The following ZNF619 variants were observed in gnomAD, a reference collection of about 807,000 sequenced individuals.
The protein encoded by ZNF619 is zinc finger protein 619.
In ZNF619, 9 loss-of-function variants were observed where a neutral mutation model predicts 14.2. The observed-to-expected ratio is 0.64, with a 90% CI of 0.38 to 1.11. The LOEUF (loss-of-function observed/expected upper bound fraction) is 1.11, where lower values mean the gene tolerates loss of function less well. Among genes scored for constraint, ZNF619 ranks in the 50% least tolerant of loss-of-function variants. The pLI is 0.01. For missense variants in ZNF619, 659 were observed against 680.1 expected, an observed-to-expected ratio of 0.97 and a Z score of 0.34; for synonymous variants, 246 against 252.8, an observed-to-expected ratio of 0.97 and a Z score of 0.26.
chr3:40,484,275 T>C (rs1697508547), intron 4 of ZNF619, among the ~76,000 whole-genome samples: 1 of 152,240 alleles, frequency 6.6e-6, no homozygotes, highest in Non-Finnish European at 1.5e-5. Flanking sequence ...TATAAAACTA[T>C]ATATGTAAAT....
rs1372461671 is a variant in ZNF619 at position 40,488,168 on chromosome 3, A to AT, written c.1665dup (p.Gln556SerfsTer70). On this transcript the variant is annotated frameshift_variant, in exon 5 of 5. Coordinates refer to ENST00000432264, the MANE Select transcript of ZNF619 (RefSeq NM_001145093.4). LOFTEE classifies it low-confidence loss of function (END_TRUNC). ...AACCCTTCACCTGTCCAAATAGCACATTTTTTTCAGGATCTCGCTTTTCCT... is the reference window on the plus strand; with the variant it reads ...AACCCTTCACCTGTCCAAATAGCACATTTTTTTTCAGGATCTCGCTTTTCCT... 6.2e-7 allele frequency: 1 copy of AT among 1,613,032 alleles called. No individual in the cohort carries two copies. The highest frequency in any genetic ancestry group is 8.5e-7 in the Non-Finnish European group (1 of 1,179,600).
intron 2 of ZNF619, among the ~76,000 whole-genome samples, chr3:40,479,484 A>G (rs994889607): frequency 3.9e-5 from 6 of 152,238 alleles, no homozygotes; most frequent in African/African-American, 1.2e-4. Flanking sequence ...ATCATGTGCC[A>G]GGTGATATCT....
Position 40,487,753 on chromosome 3 carries a change from T to G in ZNF619, c.1243T>G (p.Phe415Val), listed in dbSNP as rs1414071809. Residue 415 changes from phenylalanine to valine, a missense_variant, in exon 5 of 5, where the codon TTC (phenylalanine) becomes GTC (valine). Phe to Val is a conservative substitution (Grantham distance 50, BLOSUM62 -1). Transcript: ENST00000432264. The stretch of plus-strand genomic sequence containing the variant: ...GAAAACTTTCAGCTGTAGCTCCCGC[T>G]TCATAGTGCATCAGAGAATCCACAA... ...CWKTFSCSSR[F>V]IVHQRIHNGE... 1.9e-6 allele frequency: 3 copies of G among 1,613,858 alleles called. No individual in the cohort carries two copies. In the African/African-American group the frequency reaches 4.0e-5, roughly 22 times the overall value.
chr3:40,485,196 G>A (rs1017616497), intron 4 of ZNF619, among the ~76,000 whole-genome samples: 3 of 151,910 alleles, frequency 2.0e-5, no homozygotes, highest in Non-Finnish European at 1.5e-5. Context: ...TTTAAACTCT[G>A]GGTTGCAACT....
Position 40,490,766 on chromosome 3 carries a change from T to C in ZNF619, c.*2525T>C, listed in dbSNP as rs1129200. 0.34 allele frequency among the ~76,000 whole-genome samples: 52,173 copies of C among 152,108 alleles called. 9,160 individuals are homozygous for C. The highest frequency in any genetic ancestry group is 0.51 in the East Asian group (2,655 of 5,178). The stretch of plus-strand genomic sequence containing the variant: ...TAATATGTATAACATAAAAAATATG[T>C]GTTAATCGACTGTTTCAGTAAGGCT... On this transcript the variant is annotated 3_prime_UTR_variant, in exon 5 of 5. Coordinates refer to ENST00000432264, the MANE Select transcript of ZNF619 (RefSeq NM_001145093.4).
chr3:40,483,173 C>T lies in ZNF619; in HGVS notation c.295+469C>T, dbSNP rs563192381. 1.6e-3 allele frequency among the ~76,000 whole-genome samples: 237 copies of T among 152,316 alleles called. 3 individuals carry two copies. Among genetic ancestry groups the T allele is most frequent in the Non-Finnish European group, 3.1e-4 (21 of 68,030 alleles). On this transcript the variant is annotated intron_variant, in intron 4 of 4. Coordinates refer to ENST00000432264, the MANE Select transcript of ZNF619 (RefSeq NM_001145093.4). ...GCAGTAAGCTAGGATCACACCATTC[C>T]ACTCCAGCCTGGGTGACAGAGTGAG... is the stretch of plus-strand genomic sequence containing the variant.
chr3:40,481,847 C>T lies in ZNF619; in HGVS notation c.25-16C>T, dbSNP rs563686388. 3.8e-6 allele frequency: 6 copies of T among 1,591,192 alleles called. No homozygotes were observed. In the South Asian group the frequency reaches 5.7e-5, roughly 15 times the overall value. ...CCTTTCCTGGAATTCAGGCCTCTCC[C>T]TCTGTTCTTGTGCAGGGCTTGGGCA... On this transcript the variant is annotated splice_polypyrimidine_tract_variant and intron_variant, in intron 2 of 4. Coordinates refer to ENST00000432264, the MANE Select transcript of ZNF619 (RefSeq NM_001145093.4).
At chr3:40,480,606 C>T (rs77444778) in intron 2 of ZNF619, among the ~76,000 whole-genome samples, 1 of 150,870 alleles carries the variant, frequency 6.6e-6, no homozygotes, top group Non-Finnish European at 1.5e-5. Flanking sequence ...TCACGCCATT[C>T]TCCAGCCTCA....
intron 4 of ZNF619, 87 bp from the exon 5 acceptor site, chr3:40,486,719 A>G: frequency 1.9e-6 from 2 of 1,041,444 alleles, no homozygotes; most frequent in South Asian, 3.5e-5. Flanking sequence ...AAAAAAATTC[A>G]TGTGTCTAGG....
Position 40,487,664 on chromosome 3 carries a change from C to A in ZNF619, c.1154C>A (p.Ser385Ter). The A allele has an allele frequency of 6.2e-7, 1 of 1,613,876 alleles. No individual in the cohort carries two copies. The change falls in exon 5 of 5, where the codon TCG (serine) becomes TAG (stop). Residue 385 changes from serine (S) to a stop codon, truncating the protein, a stop_gained. Coordinates refer to ENST00000432264, the MANE Select transcript of ZNF619 (RefSeq NM_001145093.4). LOFTEE classifies it low-confidence loss of function (END_TRUNC). ...KECGKAFHRS[S>*]VFLQHQRFHT... ...TGTGGCAAGGCCTTCCACCGCAGTT[C>A]GGTATTTCTTCAGCACCAGAGGTTC...
At position 40,489,207 on chromosome 3, in the gene ZNF619, T is replaced by C. The variant is rs1056566440; in HGVS notation, c.*966T>C. The C allele has an allele frequency of 1.1e-4, 16 of 150,932 alleles. No homozygotes were observed. The highest frequency in any genetic ancestry group is 3.7e-4 in the African/African-American group (15 of 41,076). The allele number at this position is 150,932 out of a possible 1,614,324, so 9.3% of individuals were successfully genotyped here. ...CTCTATTTTCATTTTCCTTTTTTTT[T>C]TGAGACAGGTTCTTGTTCTGTCATC... On this transcript the variant is annotated 3_prime_UTR_variant, in exon 5 of 5. Transcript: ENST00000432264.
At position 40,487,769 on chromosome 3, in the gene ZNF619, G is replaced by A. The variant is rs777693602; in HGVS notation, c.1259G>A (p.Arg420Lys). The A allele has an allele frequency of 4.3e-6, 7 of 1,614,052 alleles. No individual in the cohort carries two copies. The South Asian group carries it at 4.4e-5, about 10-fold the overall frequency. Residue 420 changes from arginine (R) to lysine (K), a missense_variant, in exon 5 of 5, where the codon AGA (arginine) becomes AAA (lysine). By Grantham distance (26) the Arg-to-Lys change is conservative. Transcript: ENST00000432264. Reference protein sequence around the residue: ...SCSSRFIVHQRIHNGEKPYEC... With the variant: ...SCSSRFIVHQKIHNGEKPYEC... ...AGCTCCCGCTTCATAGTGCATCAGA[G>A]AATCCACAATGGGGAGAAACCCTAT...
At chr3:40,481,253 A>G (rs1321989754) in intron 2 of ZNF619, among the ~76,000 whole-genome samples, 2 of 152,220 alleles carry the variant, frequency 1.3e-5, no homozygotes, top group Admixed American at 6.5e-5. Context: ...CAGGTCAGAC[A>G]GAGCTTAGGT....
chr3:40,488,130 A>G lies in ZNF619; in HGVS notation c.1620A>G (p.Ser540=), dbSNP rs1341965691. Residue 540 remains serine, a synonymous_variant, in exon 5 of 5, where the codon TCA becomes TCG. Coordinates refer to ENST00000432264, the MANE Select transcript of ZNF619 (RefSeq NM_001145093.4). ...PSVPFFLLLP[S]SEKANPSPVQ... is the part of the protein sequence containing the mutation. Reference sequence around the variant, plus strand: ...TGCCTTTCTTCCTGCTGCTTCCCTCATCTGAAAAGGCCAACCCTTCACCTG... The same window carrying G: ...TGCCTTTCTTCCTGCTGCTTCCCTCGTCTGAAAAGGCCAACCCTTCACCTG... 1.9e-6 allele frequency: 3 copies of G among 1,613,824 alleles called. No individual in the cohort carries two copies. The highest frequency in any genetic ancestry group is 2.2e-5 in the South Asian group (2 of 91,070).
At chr3:40,477,701 T>C in intron 1 of ZNF619, 1 of 449,446 alleles carries the variant, frequency 2.2e-6, no homozygotes, top group Non-Finnish European at 4.1e-6. Flanking sequence ...ACTCTTACTT[T>C]ACAGATATTC....
rs1697666411 is a variant in ZNF619, at chr3:40,487,809, T to C, written c.1299T>C (p.Cys433=). 1.9e-6 allele frequency: 3 copies of C among 1,614,026 alleles called. No homozygotes were observed. In the African/African-American group the frequency reaches 4.0e-5, roughly 22 times the overall value. ...AGAAACCCTATGAATGCCAGGAATG[T>C]GGGAAGACATTCAGTCAAAAGATCA... ...NGEKPYECQE[C]GKTFSQKITL... is the part of the protein sequence containing the mutation. The change falls in exon 5 of 5, where the codon TGT becomes TGC. Residue 433 remains cysteine, a synonymous_variant. Transcript: ENST00000432264.
chr3:40,485,249 G>A (rs943490379), intron 4 of ZNF619, among the ~76,000 whole-genome samples: 1 of 151,064 alleles, frequency 6.6e-6, no homozygotes, highest in African/African-American at 2.4e-5. Flanking sequence ...AGACTACATT[G>A]TATTAGGTGT....
Position 40,490,586 on chromosome 3 carries a change from T to C in ZNF619, c.*2345T>C, listed in dbSNP as rs1697775656. Among the ~76,000 whole-genome samples, 1 of 152,100 alleles carries C rather than the reference T, an allele frequency of 6.6e-6. No individual in the cohort carries two copies. Among genetic ancestry groups the C allele is most frequent in the Non-Finnish European group, 1.5e-5 (1 of 68,016 alleles). The stretch of plus-strand genomic sequence containing the variant: ...CACCCCTGAGATGGCAAGACCAGTC[T>C]CCCTCCTCTCCCCTTCTCAGCCTGC... On this transcript the variant is annotated 3_prime_UTR_variant, in exon 5 of 5. Coordinates refer to ENST00000432264, the MANE Select transcript of ZNF619 (RefSeq NM_001145093.4).
rs1697450146 is a variant in ZNF619 at position 40,482,772 on chromosome 3, GA to G, written c.295+73del. The stretch of plus-strand genomic sequence containing the variant: ...CTCCTTTCTTTTAACAATTTAGCAT[GA>G]AAAAGGTTTTTCCTTGTCATATGAT... On this transcript the variant is annotated intron_variant, in intron 4 of 4. Transcript: ENST00000432264. 5 of 1,268,658 alleles carry G rather than the reference GA, an allele frequency of 3.9e-6. No individual in the cohort carries two copies. In the East Asian group the frequency reaches 1.2e-4, roughly 29 times the overall value. 78.6% of individuals were successfully genotyped at this position (1,268,658 alleles called of 1,614,324 possible).
Sources: allele counts gnomAD v4.1 joint callset (sites outside exome capture counted in the v4.1 genomes callset), GRCh38; gene constraint gnomAD v4.1.1; transcripts MANE v1.5; gene names NCBI Gene and HGNC (gene_info 2026-07-23, HGNC 2026-07-21).